PTPRK: variants seen among roughly 807,000 people sequenced by gnomAD.
The protein encoded by PTPRK is protein tyrosine phosphatase receptor type K.
A neutral mutation model predicts 178.0 loss-of-function variants in PTPRK; 75 were observed. The ratio of observed to expected loss-of-function variants is 0.42; its 90% CI spans 0.35 to 0.51. PTPRK has a LOEUF of 0.51. Ranked by LOEUF, PTPRK falls within the 20% of genes least tolerant of loss-of-function variation. The pLI is 0.02. For missense variants in PTPRK, 1,441 were observed against 1,797.8 expected (o/e 0.80, Z 3.59); for synonymous variants, 637 against 620.6 (o/e 1.03, Z -0.39).
At chr6:128,503,845 T>C (rs1304909231) in intron 1 of PTPRK, among the ~76,000 whole-genome samples, 1 of 66,356 alleles carries the variant, frequency 1.5e-5, no homozygotes, top group South Asian at 4.4e-4. Context: ...GTTATTATTG[T>C]GTGTGTGTGT....
intron 1 of PTPRK, among the ~76,000 whole-genome samples, chr6:128,440,554 G>A (rs1189000024): frequency 6.6e-6 from 1 of 152,126 alleles, no homozygotes; most frequent in Non-Finnish European, 1.5e-5. Context: ...AGTAACTGCT[G>A]CCATTAGTAT....
intron 3 of PTPRK, among the ~76,000 whole-genome samples, chr6:128,292,373 A>T (rs1823526066): frequency 6.6e-6 from 1 of 152,112 alleles, no homozygotes; most frequent in Admixed American, 6.6e-5. Flanking sequence ...GACTTTGAAG[A>T]ATACTGACCT....
At chr6:128,437,900 T>C (rs1845799324) in intron 1 of PTPRK, among the ~76,000 whole-genome samples, 1 of 152,228 alleles carries the variant, frequency 6.6e-6, no homozygotes, top group Non-Finnish European at 1.5e-5. Context: ...CAGGACACAG[T>C]CATCCCTCGC....
At chr6:128,267,540 T>A (rs1193257811) in intron 3 of PTPRK, among the ~76,000 whole-genome samples, 1 of 152,106 alleles carries the variant, frequency 6.6e-6, no homozygotes, top group African/African-American at 2.4e-5. Flanking sequence ...CAATGCTCTT[T>A]AAAACTGTGT....
chr6:128,506,897 T>C (rs1417611333), intron 1 of PTPRK, among the ~76,000 whole-genome samples: 1 of 152,078 alleles, frequency 6.6e-6, no homozygotes, highest in Non-Finnish European at 1.5e-5. Context: ...GATAACAGCA[T>C]GAGATTAGAT....
At chr6:128,423,853 A>G (rs761815944) in intron 1 of PTPRK, among the ~76,000 whole-genome samples, 3 of 151,992 alleles carry the variant, frequency 2.0e-5, no homozygotes, top group Non-Finnish European at 4.4e-5. Flanking sequence ...AAAATACAGT[A>G]CATAAAAAAT....
At chr6:128,446,442 C>A (rs116532940) in intron 1 of PTPRK, among the ~76,000 whole-genome samples, 1 of 152,290 alleles carries the variant, frequency 6.6e-6, no homozygotes, top group African/African-American at 2.4e-5. Flanking sequence ...GTTTCTGGAT[C>A]ACTCTGTCAT....
intron 1 of PTPRK, among the ~76,000 whole-genome samples, chr6:128,419,833 G>T (rs545044762): frequency 2.6e-5 from 4 of 152,152 alleles, no homozygotes; most frequent in South Asian, 4.1e-4. Flanking sequence ...CAATAATAGC[G>T]AGAAGAGTAT....
intron 7 of PTPRK, among the ~76,000 whole-genome samples, chr6:128,173,633 C>A (rs990147041): frequency 2.6e-5 from 4 of 151,970 alleles, no homozygotes; most frequent in African/African-American, 9.7e-5. Flanking sequence ...TGTTTGAGCC[C>A]TTCAAGTTAA....
chr6:128,172,298 C>T (rs1372101129), intron 7 of PTPRK, among the ~76,000 whole-genome samples: 3 of 151,934 alleles, frequency 2.0e-5, no homozygotes, highest in East Asian at 1.9e-4. Context: ...AATAAAACAA[C>T]TCAGTCTTGC....
intron 1 of PTPRK, among the ~76,000 whole-genome samples, chr6:128,487,075 A>G (rs1562620842): frequency 6.7e-6 from 1 of 149,298 alleles, no homozygotes; most frequent in East Asian, 2.0e-4. Context: ...GAATGTTAAC[A>G]TGGCAGAGTA....
chr6:128,269,386 A>G (rs1260118625), intron 3 of PTPRK, among the ~76,000 whole-genome samples: 1 of 152,066 alleles, frequency 6.6e-6, no homozygotes, highest in Non-Finnish European at 1.5e-5. Context: ...TAGTAACAAG[A>G]GGACATCATA....
intron 2 of PTPRK, among the ~76,000 whole-genome samples, chr6:128,324,914 A>G (rs1352792337): frequency 5.3e-5 from 8 of 152,212 alleles, no homozygotes; most frequent in African/African-American, 1.7e-4. Context: ...CTCCCAGAAT[A>G]ACTGGCTCCC....
intron 6 of PTPRK, 45 bp from the exon 7 acceptor site, chr6:128,184,770 A>G: frequency 6.5e-7 from 1 of 1,546,856 alleles, no homozygotes; most frequent in South Asian, 1.2e-5. Context: ...ATTTAAAATA[A>G]TACAAAGATA....
At chr6:128,480,608 G>A (rs1170028555) in intron 1 of PTPRK, among the ~76,000 whole-genome samples, 1 of 152,108 alleles carries the variant, frequency 6.6e-6, no homozygotes, top group Non-Finnish European at 1.5e-5. Flanking sequence ...TGAATTGACA[G>A]AATAACCTCA....
At position 128,426,738 on chromosome 6, in the gene PTPRK, CG is replaced by C. The variant is rs1477605859; in HGVS notation, c.101-29051del. On this transcript the variant is annotated intron_variant, in intron 1 of 29. Coordinates refer to ENST00000368226, the MANE Select transcript of PTPRK (RefSeq NM_002844.4). ...GGCTTTTCTATAACCCATGTTTTGG[CG>C]GGAAAAGTGAAACAAAAACATTTGT... 3.3e-5 allele frequency among the ~76,000 whole-genome samples: 5 copies of C among 152,100 alleles called. No homozygotes were observed. The East Asian group carries it at 9.6e-4, about 29-fold the overall frequency.
chr6:128,427,108 T>C (rs568072414), intron 1 of PTPRK, among the ~76,000 whole-genome samples: 1 of 152,336 alleles, frequency 6.6e-6, no homozygotes, highest in African/African-American at 2.4e-5. Flanking sequence ...GGTGTGGAGC[T>C]AGCATTGATT....
intron 1 of PTPRK, among the ~76,000 whole-genome samples, chr6:128,493,296 C>G (rs933692123): frequency 6.6e-6 from 1 of 152,186 alleles, no homozygotes; most frequent in African/African-American, 2.4e-5. Flanking sequence ...GGCGCGGTGG[C>G]TCACGCCTGC....
chr6:127,979,190 C>G (rs2114622995), intron 25 of PTPRK, among the ~76,000 whole-genome samples: 1 of 152,154 alleles, frequency 6.6e-6, no homozygotes, highest in African/African-American at 2.4e-5. Flanking sequence ...GTGGGAGGAC[C>G]ACTTGAGCCC....
Sources: gnomAD v4.1 joint callset for allele counts (sites outside exome capture counted in the v4.1 genomes callset) on GRCh38, gnomAD v4.1.1 for gene constraint, MANE v1.5 for transcripts, NCBI Gene and HGNC (gene_info 2026-07-23, HGNC 2026-07-21) for gene names.